ID4: variants seen among roughly 807,000 people sequenced by gnomAD.
ID4 encodes inhibitor of DNA binding 4.
ID4 carries 9 observed loss-of-function variants against 8.6 expected under a neutral mutation model. The observed-to-expected ratio is 1.04, with a 90% CI of 0.63 to 1.82. ID4 has a LOEUF of 1.82. Among genes scored for constraint, ID4 ranks in the 40% most tolerant of loss-of-function variants. The pLI is 0.00. For missense variants in ID4, 270 were observed against 235.1 expected (o/e 1.15, Z -0.97); for synonymous variants, 180 against 118.0 (o/e 1.53, Z -3.41).
rs995158369 is a variant in ID4 at position 19,840,822 on chromosome 6, T to C, written c.*1627T>C. The C allele has an allele frequency of 6.6e-6, 1 of 152,184 alleles. No homozygotes were observed. The highest frequency in any genetic ancestry group is 1.9e-4 in the East Asian group (1 of 5,196). The allele number at this position is 152,184 out of a possible 1,614,324, so 9.4% of individuals were successfully genotyped here. On this transcript the variant is annotated 3_prime_UTR_variant, in exon 3 of 3. Transcript: ENST00000378700. Reference sequence around the variant, plus strand: ...TGTGAACATTATGCATTTAATGTTATGGGTACTTTACACACAAGTTAGATG... The same window carrying C: ...TGTGAACATTATGCATTTAATGTTACGGGTACTTTACACACAAGTTAGATG...
rs1761363182 is a variant in ID4, at chr6:19,841,759, G to C, written c.*2564G>C. ...ACAAGATACTACATTCCATTGAAAT[G>C]TTGGCTATGTCCTAACCAGGCAACC... On this transcript the variant is annotated 3_prime_UTR_variant, in exon 3 of 3. Coordinates refer to ENST00000378700, the MANE Select transcript of ID4 (RefSeq NM_001546.4). Among the ~76,000 whole-genome samples the C allele has an allele frequency of 6.6e-6, 1 of 152,148 alleles. No homozygotes were observed. The highest frequency in any genetic ancestry group is 6.5e-5 in the Admixed American group (1 of 15,272).
chr6:19,841,874 C>A lies in ID4; in HGVS notation c.*2679C>A, dbSNP rs535115447. On this transcript the variant is annotated 3_prime_UTR_variant, in exon 3 of 3. Coordinates refer to ENST00000378700, the MANE Select transcript of ID4 (RefSeq NM_001546.4). ...CAAAGGAAAATATCCTGACTTCTCT[C>A]ATTTCATTTGTAGACTTTTCATTGT... Among the ~76,000 whole-genome samples, 2 of 152,262 alleles carry A rather than the reference C, an allele frequency of 1.3e-5. No homozygotes were observed. The highest frequency in any genetic ancestry group is 1.3e-4 in the Admixed American group (2 of 15,292).
chr6:19,838,227 G>T, intron 1 of ID4, 32 bp downstream of exon 1: 2 of 1,327,516 alleles, frequency 1.5e-6, no homozygotes, highest in Non-Finnish European at 1.9e-6. Context: ...GTGGGCGGAC[G>T]CCGCGGGGGA....
At position 19,838,614 on chromosome 6, in the gene ID4, A is replaced by C. The variant is rs557673325; in HGVS notation, c.472A>C (p.Ile158Leu). The C allele has an allele frequency of 4.3e-6, 7 of 1,613,862 alleles. No homozygotes were observed. In the Admixed American group the frequency reaches 6.7e-5, roughly 15 times the overall value. ...CGCGGTGAACAAGCAGGGCGACAGC[A>C]TTCTGTGCCGCTGAGCCGCGCTGTC... ...AGAVNKQGDS[I>L]LCR The change falls in exon 2 of 3, where the codon ATT (isoleucine) becomes CTT (leucine). Residue 158 changes from isoleucine to leucine, a missense_variant. Physicochemically the swap from Ile to Leu is conservative, Grantham distance 5 (BLOSUM62 2). Around this residue, in one of 3 missense-constraint regions of ID4, gnomAD observed 107 missense variants for 81.0 expected, o/e 1.32. Coordinates refer to ENST00000378700, the MANE Select transcript of ID4 (RefSeq NM_001546.4).
At position 19,837,701 on chromosome 6, in the gene ID4, G is replaced by A; in HGVS notation, c.-54G>A. 1 of 1,072,244 alleles carries A rather than the reference G, an allele frequency of 9.3e-7. No individual in the cohort carries two copies. The highest frequency in any genetic ancestry group is 1.1e-6 in the Non-Finnish European group (1 of 882,512). The allele number at this position is 1,072,244 out of a possible 1,614,324, so 66.4% of individuals were successfully genotyped here. A position where few individuals can be genotyped will look rare whatever the true frequency, so the allele number is the denominator to read the frequency against. Reference sequence around the variant, plus strand: ...CGCGGACGGGGCCCGGAGCTTGCCTGCCTCCCTCGCTCGCCCCAGCGGGTT... The same window carrying A: ...CGCGGACGGGGCCCGGAGCTTGCCTACCTCCCTCGCTCGCCCCAGCGGGTT... On this transcript the variant is annotated 5_prime_UTR_variant, in exon 1 of 3. Transcript: ENST00000378700.
chr6:19,838,488 G>C, intron 1 of ID4, 96 bp from the exon 2 acceptor site: 1 of 1,537,052 alleles, frequency 6.5e-7, no homozygotes, highest in Non-Finnish European at 9.0e-7. Context: ...GGGGGCGTCG[G>C]CGCGCCAGCC....
At position 19,840,810 on chromosome 6, in the gene ID4, C is replaced by T. The variant is rs1425570577; in HGVS notation, c.*1615C>T. ...ACTATCAGGGTTTGTGAACATTATG[C>T]ATTTAATGTTATGGGTACTTTACAC... is the stretch of plus-strand genomic sequence containing the variant. On this transcript the variant is annotated 3_prime_UTR_variant, in exon 3 of 3. Coordinates refer to ENST00000378700, the MANE Select transcript of ID4 (RefSeq NM_001546.4). 6.6e-6 allele frequency: 1 copy of T among 152,044 alleles called. No individual in the cohort carries two copies. Among genetic ancestry groups the T allele is most frequent in the Non-Finnish European group, 1.5e-5 (1 of 67,988 alleles). The allele number at this position is 152,044 out of a possible 1,614,324, so 9.4% of individuals were successfully genotyped here.
At chr6:19,838,286 G>C in intron 1 of ID4, 91 bp downstream of exon 1, 1 of 1,177,454 alleles carries the variant, frequency 8.5e-7, no homozygotes, top group Non-Finnish European at 1.1e-6. Flanking sequence ...ACCGTCCTCC[G>C]GGCAGGGGCG....
In ID4 at chr6:19,838,917, A is replaced by C. The variant is rs575962689; in HGVS notation, c.*14+275A>C. On this transcript the variant is annotated intron_variant, in intron 2 of 2. Coordinates refer to ENST00000378700, the MANE Select transcript of ID4 (RefSeq NM_001546.4). Reference sequence around the variant, plus strand: ...GTCAGCGGGCTCTTCTGCCTTCCCTAGTTCCCGAGGGAGGGCACCCTCGTG... The same window carrying C: ...GTCAGCGGGCTCTTCTGCCTTCCCTCGTTCCCGAGGGAGGGCACCCTCGTG... 12 of 498,852 alleles carry C rather than the reference A, an allele frequency of 2.4e-5. No individual in the cohort carries two copies. In the South Asian group the frequency reaches 2.5e-4, roughly 11 times the overall value. The allele number at this position is 498,852 out of a possible 1,614,324, so 30.9% of individuals were successfully genotyped here. A position where few individuals can be genotyped will look rare whatever the true frequency, so the allele number is the denominator to read the frequency against.
chr6:19,842,082 C>G lies in ID4; in HGVS notation c.*2887C>G, dbSNP rs888014938. 6.6e-6 allele frequency among the ~76,000 whole-genome samples: 1 copy of G among 152,114 alleles called. No individual in the cohort carries two copies. Reference sequence around the variant, plus strand: ...TAATATACTTTGATATTGTGTAAACCTTACTCAAGTTTATTGTCAAGCTTT... The same window carrying G: ...TAATATACTTTGATATTGTGTAAACGTTACTCAAGTTTATTGTCAAGCTTT... On this transcript the variant is annotated 3_prime_UTR_variant, in exon 3 of 3. Coordinates refer to ENST00000378700, the MANE Select transcript of ID4 (RefSeq NM_001546.4).
Position 19,837,821 on chromosome 6 carries a change from C to G in ID4, c.67C>G (p.Leu23Val), listed in dbSNP as rs1761253671. 5.2e-6 allele frequency: 6 copies of G among 1,143,976 alleles called. No individual in the cohort carries two copies. The highest frequency in any genetic ancestry group is 4.3e-6 in the Non-Finnish European group (4 of 932,086). The allele number at this position is 1,143,976 out of a possible 1,614,324, so 70.9% of individuals were successfully genotyped here. ...GCCGTCGGGCTGCGGCGGCGGGGAG[C>G]TGGCGCTGCGCTGCCTGGCCGAGCA... The part of the protein sequence containing the change: ...KAPSGCGGGE[L>V]ALRCLAEHGH... The change falls in exon 1 of 3, where the codon CTG becomes GTG. Residue 23 changes from leucine to valine, a missense_variant. This residue lies in a region of ID4 where 160 missense variants were observed against 131.5 expected (regional missense o/e 1.22). Coordinates refer to ENST00000378700, the MANE Select transcript of ID4 (RefSeq NM_001546.4).
chr6:19,839,034 C>T (rs1343521319), intron 2 of ID4, 176 bp from the exon 3 acceptor site: 1 of 208,346 alleles, frequency 4.8e-6, no homozygotes, highest in Non-Finnish European at 9.6e-6. Flanking sequence ...CCTCTCCGGG[C>T]TTCCCGAGGG....
rs1005218483 is a variant in ID4 at position 19,838,846 on chromosome 6, A to G, written c.*14+204A>G. 4 of 570,218 alleles carry G rather than the reference A, an allele frequency of 7.0e-6. No homozygotes were observed. In the African/African-American group the frequency reaches 8.4e-5, roughly 12 times the overall value. The allele number at this position is 570,218 out of a possible 1,614,324, so 35.3% of individuals were successfully genotyped here. On this transcript the variant is annotated intron_variant, in intron 2 of 2. Coordinates refer to ENST00000378700, the MANE Select transcript of ID4 (RefSeq NM_001546.4). ...AGAACTCGAGGTTCAGTCTCGGTGG[A>G]GACGGGTCAGCCCTTGTCCCCGCCG...
chr6:19,838,912 T>A (rs557734344), intron 2 of ID4: 26 of 508,664 alleles, frequency 5.1e-5, no homozygotes, highest in African/African-American at 4.0e-4. Flanking sequence ...TCTTCTGCCT[T>A]CCCTAGTTCC....
intron 1 of ID4, 24 bp from the exon 2 acceptor site, chr6:19,838,560 C>T (rs764396285): frequency 3.1e-6 from 5 of 1,613,880 alleles, no homozygotes; most frequent in South Asian, 1.1e-5. Context: ...TAACCTTTCC[C>T]TTGGTGTTCG....
chr6:19,838,318 C>T (rs1219172882), intron 1 of ID4, 123 bp downstream of exon 1: 18 of 1,043,414 alleles, frequency 1.7e-5, no homozygotes, highest in South Asian at 2.2e-5. Flanking sequence ...ACAGCCCCCT[C>T]CCCCTGCTCC....
In ID4 at chr6:19,840,763, A is replaced by T. The variant is rs1407321847; in HGVS notation, c.*1568A>T. On this transcript the variant is annotated 3_prime_UTR_variant, in exon 3 of 3. Transcript: ENST00000378700. ...GCTCTTTTTTCTCCTTAAGGAAGGT[A>T]ATATTTTCTAGGTTAGATAGGACTA... 1 of 152,100 alleles carries T rather than the reference A, an allele frequency of 6.6e-6. No homozygotes were observed. The highest frequency in any genetic ancestry group is 1.5e-5 in the Non-Finnish European group (1 of 67,980). 9.4% of individuals were successfully genotyped at this position (152,100 alleles called of 1,614,324 possible).
chr6:19,841,002 T>C lies in ID4; in HGVS notation c.*1807T>C, dbSNP rs59812764. ...TATTATAGACCCAAGGGACTTCTTA[T>C]GAGGTCAAATTCAGATATTTATATG... On this transcript the variant is annotated 3_prime_UTR_variant, in exon 3 of 3. Coordinates refer to ENST00000378700, the MANE Select transcript of ID4 (RefSeq NM_001546.4). Among the ~76,000 whole-genome samples the C allele has an allele frequency of 1.2e-3, 178 of 152,290 alleles. 1 individual carries two copies. Among genetic ancestry groups the C allele is most frequent in the East Asian group, 4.2e-3 (22 of 5,184 alleles).
At position 19,837,898 on chromosome 6, in the gene ID4, G is replaced by A. The variant is rs1333541915; in HGVS notation, c.144G>A (p.Ala48=). 3 of 1,350,086 alleles carry A rather than the reference G, an allele frequency of 2.2e-6. No individual in the cohort carries two copies. Among genetic ancestry groups the A allele is most frequent in the South Asian group, 2.0e-5 (1 of 51,100 alleles). 83.6% of individuals were successfully genotyped at this position (1,350,086 alleles called of 1,614,324 possible). The part of the protein sequence containing the change: ...SAAAAAAAAA[A]RCKAAEAAAD... ...CCGCGGCGGCGGCGGCGGCGGCAGC[G>A]CGCTGTAAGGCGGCCGAGGCGGCGG... The change falls in exon 1 of 3, where the codon GCG becomes GCA. Residue 48 remains alanine, a synonymous_variant. Transcript: ENST00000378700.
Sources: allele counts gnomAD v4.1 joint callset (sites outside exome capture counted in the v4.1 genomes callset), GRCh38; gene constraint gnomAD v4.1.1; regional missense constraint gnomAD v4.1.1; transcripts MANE v1.5; gene names NCBI Gene and HGNC (gene_info 2026-07-23, HGNC 2026-07-21).